NUDT1: variants seen among roughly 807,000 people sequenced by gnomAD.
NUDT1 encodes nudix hydrolase 1, also known as oxidized purine nucleoside triphosphate hydrolase.
In NUDT1, 16 loss-of-function variants were observed where a neutral mutation model predicts 11.3. That is an observed-to-expected ratio of 1.41 (90% confidence interval 0.96 to 2.15). The LOEUF (loss-of-function observed/expected upper bound fraction) is 2.15, where lower values mean the gene tolerates loss of function less well. NUDT1 is among the 30% of genes most tolerant of loss of function. The pLI is 0.00. For missense variants in NUDT1, 234 were observed against 208.4 expected (o/e 1.12, Z -0.76); for synonymous variants, 101 against 84.4 (o/e 1.20, Z -1.08).
At position 2,250,801 on chromosome 7, in the gene NUDT1, A is replaced by C. The variant is rs377001787; in HGVS notation, c.299-28A>C. 9.3e-6 allele frequency: 15 copies of C among 1,613,900 alleles called. No individual in the cohort carries two copies. The African/African-American group carries it at 1.9e-4, about 20-fold the overall frequency. On this transcript the variant is annotated intron_variant, in intron 3 of 3. Transcript: ENST00000356714. The stretch of plus-strand genomic sequence containing the variant: ...AAGCATGAAGTTTGGGTTGCACCTC[A>C]GTGCCTCCTCTTCCCCCATTGGTAC...
rs138059598 is a variant in NUDT1 at position 2,250,947 on chromosome 7, C to T, written c.417C>T (p.Phe139=). ...QKKKFHGYFK[F]QGQDTILDYT... is the part of the protein sequence containing the mutation. ...AGAAATTCCACGGGTACTTCAAGTT[C>T]CAGGGTCAGGACACCATCCTGGACT... The change falls in exon 4 of 4, where the codon TTC becomes TTT. Residue 139 remains phenylalanine, a synonymous_variant. Transcript: ENST00000356714. The T allele has an allele frequency of 1.5e-5, 25 of 1,613,882 alleles. No homozygotes were observed. In the African/African-American group the frequency reaches 2.5e-4, roughly 16 times the overall value.
Position 2,250,984 on chromosome 7 carries a change from G to C in NUDT1, c.454G>C (p.Glu152Gln). The C allele has an allele frequency of 6.2e-7, 1 of 1,613,944 alleles. No individual in the cohort carries two copies. The highest frequency in any genetic ancestry group is 8.5e-7 in the Non-Finnish European group (1 of 1,179,936). The change falls in exon 4 of 4, where the codon GAG becomes CAG. Residue 152 changes from glutamate to glutamine, a missense_variant. Glu to Gln is a conservative substitution (Grantham distance 29, BLOSUM62 2). Transcript: ENST00000356714. Reference protein sequence around the residue: ...QDTILDYTLREVDTV With the variant: ...QDTILDYTLRQVDTV The stretch of plus-strand genomic sequence containing the variant: ...CACCATCCTGGACTACACACTCCGC[G>C]AGGTGGACACGGTCTAGCGGGAGCC...
At position 2,251,115 on chromosome 7, in the gene NUDT1, A is replaced by G. The variant is rs1182647679; in HGVS notation, c.*114A>G. ...CCGGGTTTCATCTGGAATTAACTGGATGGAAGGGAAAATAAAGCTATCTAG... is the reference window on the plus strand; with the variant it reads ...CCGGGTTTCATCTGGAATTAACTGGGTGGAAGGGAAAATAAAGCTATCTAG... On this transcript the variant is annotated 3_prime_UTR_variant, in exon 4 of 4. Transcript: ENST00000356714. 3.3e-6 allele frequency: 3 copies of G among 895,736 alleles called. No individual in the cohort carries two copies. Among genetic ancestry groups the G allele is most frequent in the Non-Finnish European group, 5.3e-6 (3 of 561,712 alleles). 55.5% of individuals were successfully genotyped at this position (895,736 alleles called of 1,614,324 possible). A position where few individuals can be genotyped will look rare whatever the true frequency, so the allele number is the denominator to read the frequency against.
At chr7:2,242,380 C>T in intron 1 of NUDT1, 124 bp downstream of exon 1, 1 of 514,872 alleles carries the variant, frequency 1.9e-6, no homozygotes, top group Non-Finnish European at 3.4e-6. Flanking sequence ...GCCGGGAGCT[C>T]GAAGGAGACC....
chr7:2,248,146 G>C (rs2115061502), intron 2 of NUDT1: 1 of 152,508 alleles, frequency 6.6e-6, no homozygotes, highest in South Asian at 2.1e-4. Flanking sequence ...TTGAGCCCAG[G>C]AGTTCAGGAC....
chr7:2,242,255 A>C lies in NUDT1; in HGVS notation c.-14A>C, dbSNP rs1003573821. 10 of 1,353,740 alleles carry C rather than the reference A, an allele frequency of 7.4e-6. No homozygotes were observed. The highest frequency in any genetic ancestry group is 3.1e-5 in the African/African-American group (2 of 65,404). 83.9% of individuals were successfully genotyped at this position (1,353,740 alleles called of 1,614,324 possible). ...GCCACGCCCCCGGAAGCGGCGGTGCAGGTACGAAAAGCGCGCGCGGGGATT... is the reference window on the plus strand; with the variant it reads ...GCCACGCCCCCGGAAGCGGCGGTGCCGGTACGAAAAGCGCGCGCGGGGATT... On this transcript the variant is annotated splice_region_variant and 5_prime_UTR_variant, in exon 1 of 4. Transcript: ENST00000356714.
rs1795006939 is a variant in NUDT1 at position 2,251,104 on chromosome 7, G to T, written c.*103G>T. The T allele has an allele frequency of 3.5e-6, 4 of 1,129,066 alleles. No homozygotes were observed. Among genetic ancestry groups the T allele is most frequent in the Non-Finnish European group, 4.0e-6 (3 of 755,896 alleles). 69.9% of individuals were successfully genotyped at this position (1,129,066 alleles called of 1,614,324 possible). ...GTGGCGCAGAGCCGGGTTTCATCTG[G>T]AATTAACTGGATGGAAGGGAAAATA... is the stretch of plus-strand genomic sequence containing the variant. On this transcript the variant is annotated 3_prime_UTR_variant, in exon 4 of 4. Coordinates refer to ENST00000356714, the MANE Select transcript of NUDT1 (RefSeq NM_002452.4).
In NUDT1 at chr7:2,244,680, G is replaced by A; in HGVS notation, c.106G>A (p.Gly36Arg). The change falls in exon 2 of 4, where the codon GGG becomes AGG. Residue 36 changes from glycine to arginine, a missense_variant. Transcript: ENST00000356714. ...GFGAGRWNGF[G>R]GKVQEGETIE... ...CGGGGCCGGCCGGTGGAATGGCTTT[G>A]GGGGCAAAGTGCAAGAAGGAGAGAC... 1 of 1,613,350 alleles carries A rather than the reference G, an allele frequency of 6.2e-7. No homozygotes were observed. The highest frequency in any genetic ancestry group is 8.5e-7 in the Non-Finnish European group (1 of 1,179,780).
intron 2 of NUDT1, among the ~76,000 whole-genome samples, chr7:2,247,006 G>A (rs1469337634): frequency 4.1e-5 from 6 of 146,744 alleles, no homozygotes; most frequent in Non-Finnish European, 9.1e-5. Flanking sequence ...AGCCAGACAG[G>A]CTGGTGCTTA....
Position 2,244,621 on chromosome 7 carries a change from A to G in NUDT1, c.47A>G (p.Gln16Arg), listed in dbSNP as rs1267246431. 1.2e-6 allele frequency: 2 copies of G among 1,613,388 alleles called. No homozygotes were observed. The highest frequency in any genetic ancestry group is 1.1e-5 in the South Asian group (1 of 91,002). ...ACCCTGGTGCTGGTCCTGCAGCCTCAGCGAGTTCTCCTGGGCATGAAAAAG... is the reference window on the plus strand; with the variant it reads ...ACCCTGGTGCTGGTCCTGCAGCCTCGGCGAGTTCTCCTGGGCATGAAAAAG... ...LYTLVLVLQP[Q>R]RVLLGMKKRG... Residue 16 changes from glutamine to arginine, a missense_variant, in exon 2 of 4, where the codon CAG becomes CGG. By Grantham distance (43) the Gln-to-Arg change is conservative (BLOSUM62 1). Transcript: ENST00000356714.
chr7:2,251,048 G>T lies in NUDT1; in HGVS notation c.*47G>T. Reference sequence around the variant, plus strand: ...GGGCAGGAGACGTGGCTGCTGAACAGCCGCAAACCATCTTCACCTGGGGGC... The same window carrying T: ...GGGCAGGAGACGTGGCTGCTGAACATCCGCAAACCATCTTCACCTGGGGGC... On this transcript the variant is annotated 3_prime_UTR_variant, in exon 4 of 4. Coordinates refer to ENST00000356714, the MANE Select transcript of NUDT1 (RefSeq NM_002452.4). The T allele has an allele frequency of 6.3e-7, 1 of 1,598,908 alleles. No individual in the cohort carries two copies. The highest frequency in any genetic ancestry group is 8.6e-7 in the Non-Finnish European group (1 of 1,167,874).
At chr7:2,247,122 G>A (rs1371309707) in intron 2 of NUDT1, among the ~76,000 whole-genome samples, 5 of 152,186 alleles carry the variant, frequency 3.3e-5, no homozygotes, top group Admixed American at 2.0e-4. Context: ...CAGTACCTGC[G>A]AGTCTGAATG....
chr7:2,243,636 G>C (rs944031254), intron 1 of NUDT1, among the ~76,000 whole-genome samples: 3 of 152,244 alleles, frequency 2.0e-5, no homozygotes, highest in African/African-American at 7.2e-5. Context: ...AGCTGGGTGT[G>C]GCGGCTCATG....
chr7:2,246,278 C>T (rs770540668), intron 2 of NUDT1, among the ~76,000 whole-genome samples: 1 of 152,186 alleles, frequency 6.6e-6, no homozygotes. Context: ...CATCTGGCTG[C>T]CGGGTTCAGG....
Position 2,242,262 on chromosome 7 carries a change from A to G in NUDT1, c.-13+6A>G, listed in dbSNP as rs990809104. Reference sequence around the variant, plus strand: ...CCCCGGAAGCGGCGGTGCAGGTACGAAAAGCGCGCGCGGGGATTCCAGGAG... The same window carrying G: ...CCCCGGAAGCGGCGGTGCAGGTACGGAAAGCGCGCGCGGGGATTCCAGGAG... On this transcript the variant is annotated splice_donor_region_variant and intron_variant, in intron 1 of 3. Coordinates refer to ENST00000356714, the MANE Select transcript of NUDT1 (RefSeq NM_002452.4). The G allele has an allele frequency of 2.3e-6, 3 of 1,303,278 alleles. No individual in the cohort carries two copies. Among genetic ancestry groups the G allele is most frequent in the South Asian group, 1.4e-5 (1 of 71,424 alleles). The allele number at this position is 1,303,278 out of a possible 1,614,324, so 80.7% of individuals were successfully genotyped here. A position where few individuals can be genotyped will look rare whatever the true frequency, so the allele number is the denominator to read the frequency against.
chr7:2,243,759 C>A (rs1188028625), intron 1 of NUDT1, among the ~76,000 whole-genome samples: 1 of 152,192 alleles, frequency 6.6e-6, no homozygotes. Context: ...GGCAACAGAG[C>A]AGGATCTTGT....
intron 1 of NUDT1, among the ~76,000 whole-genome samples, chr7:2,243,435 C>T (rs1023893819): frequency 3.3e-5 from 5 of 152,202 alleles, no homozygotes; most frequent in African/African-American, 1.2e-4. Context: ...CAAGAAGGAT[C>T]ACTGGTCCTG....
intron 1 of NUDT1, chr7:2,242,527 T>C: frequency 2.5e-6 from 1 of 392,946 alleles, no homozygotes; most frequent in African/African-American, 2.1e-5. Context: ...AACCGTGGCT[T>C]CTGGCAGAAA....
At chr7:2,243,511 G>A (rs1035365659) in intron 1 of NUDT1, among the ~76,000 whole-genome samples, 2 of 152,146 alleles carry the variant, frequency 1.3e-5, no homozygotes, top group African/African-American at 2.4e-5. Context: ...AGTGGCTCAC[G>A]CCTGTAATCT....
Sources: allele counts gnomAD v4.1 joint callset (sites outside exome capture counted in the v4.1 genomes callset), GRCh38; gene constraint gnomAD v4.1.1; transcripts MANE v1.5; gene names NCBI Gene and HGNC (gene_info 2026-07-23, HGNC 2026-07-21).